RAB44: variants seen among roughly 807,000 people sequenced by gnomAD.
The protein encoded by RAB44 is RAB44, member RAS oncogene family, also known as ras-related protein Rab-44.
RAB44 carries 67 observed loss-of-function variants against 93.3 expected under a neutral mutation model. The observed-to-expected ratio is 0.72, with a 90% CI of 0.59 to 0.88. The LOEUF is 0.88. Ranked by LOEUF, RAB44 falls within the 40% of genes least tolerant of loss-of-function variation. The pLI is 0.00. For missense variants in RAB44, 1,064 were observed against 1,261.7 expected (o/e 0.84, Z 2.37); for synonymous variants, 427 against 520.3 (o/e 0.82, Z 2.44).
At position 36,721,669 on chromosome 6, in the gene RAB44, C is replaced by T. The variant is rs549931483; in HGVS notation, c.1535C>T (p.Pro512Leu). The change falls in exon 9 of 14, where the codon CCC becomes CTC. Residue 512 changes from proline to leucine, a missense_variant. Transcript: ENST00000612677. Reference protein sequence around the residue: ...GPPPPANSPPPQAPAGSSKQI... With the variant: ...GPPPPANSPPLQAPAGSSKQI... ...CCTCCCCCTGCGAACTCTCCCCCTCCCCAGGCCCCAGCTGGGTCCAGCAAA... is the reference window on the plus strand; with the variant it reads ...CCTCCCCCTGCGAACTCTCCCCCTCTCCAGGCCCCAGCTGGGTCCAGCAAA... 6 of 1,234,532 alleles carry T rather than the reference C, an allele frequency of 4.9e-6. No homozygotes were observed. In the South Asian group the frequency reaches 2.5e-4, roughly 51 times the overall value. The allele number at this position is 1,234,532 out of a possible 1,614,324, so 76.5% of individuals were successfully genotyped here.
intron 1 of RAB44, among the ~76,000 whole-genome samples, chr6:36,701,726 G>A (rs1415325231): frequency 2.0e-5 from 3 of 152,128 alleles, no homozygotes; most frequent in Admixed American, 2.0e-4. Flanking sequence ...GCATGAGGCT[G>A]TGAGGACCCC....
intron 1 of RAB44, among the ~76,000 whole-genome samples, 200 bp downstream of exon 1, chr6:36,698,115 C>T (rs1215195845): frequency 2.6e-5 from 4 of 152,132 alleles, no homozygotes; most frequent in African/African-American, 9.7e-5. Context: ...TACATCACTA[C>T]CCGTAAATGG....
At chr6:36,701,498 A>G (rs1276943510) in intron 1 of RAB44, among the ~76,000 whole-genome samples, 1 of 152,170 alleles carries the variant, frequency 6.6e-6, no homozygotes, top group East Asian at 1.9e-4. Flanking sequence ...TTGAGAGCCC[A>G]GTACATATCC....
chr6:36,715,404 AC>A lies in RAB44; in HGVS notation c.320-73del. The A allele has an allele frequency of 2.2e-6, 3 of 1,383,906 alleles. No individual in the cohort carries two copies. The South Asian group carries it at 3.8e-5, about 18-fold the overall frequency. The allele number at this position is 1,383,906 out of a possible 1,614,324, so 85.7% of individuals were successfully genotyped here. ...GTAGAATTACTTCCCTGAGGGCTGG[AC>A]CAGGGCTGGGTGGGAGGCCAGGCGT... On this transcript the variant is annotated intron_variant, in intron 3 of 13. Coordinates refer to ENST00000612677, the MANE Select transcript of RAB44 (RefSeq NM_001257357.2).
At chr6:36,729,333 G>C (rs994904991) in intron 12 of RAB44, among the ~76,000 whole-genome samples, 8 of 152,098 alleles carry the variant, frequency 5.3e-5, no homozygotes. Context: ...AATAAAAATA[G>C]AGGGAAAAAT....
At chr6:36,703,262 C>G (rs1762555390) in intron 1 of RAB44, among the ~76,000 whole-genome samples, 1 of 152,142 alleles carries the variant, frequency 6.6e-6, no homozygotes, top group Non-Finnish European at 1.5e-5. Context: ...CCCCATGACC[C>G]AAACAATTCC....
intron 1 of RAB44, among the ~76,000 whole-genome samples, chr6:36,701,005 A>G (rs1762495823): frequency 6.6e-6 from 1 of 152,206 alleles, no homozygotes. Flanking sequence ...ATTAGGGGTG[A>G]GAGATACCGC....
In RAB44 at chr6:36,717,486, G is replaced by A. The variant is rs1562060287; in HGVS notation, c.641+67G>A. The A allele has an allele frequency of 8.1e-6, 10 of 1,228,432 alleles. No homozygotes were observed. Among genetic ancestry groups the A allele is most frequent in the East Asian group, 6.3e-5 (2 of 31,710 alleles). 76.1% of individuals were successfully genotyped at this position (1,228,432 alleles called of 1,614,324 possible). ...GCTCTTCACATTCCAGTGGAATCTGGTTGAATTTCCCCAGCTCCTCCTGCA... is the reference window on the plus strand; with the variant it reads ...GCTCTTCACATTCCAGTGGAATCTGATTGAATTTCCCCAGCTCCTCCTGCA... On this transcript the variant is annotated intron_variant, in intron 5 of 13. Transcript: ENST00000612677. This position sits in a 1 kb window ranked among gnomAD's most constrained non-coding sequence, Gnocchi z 4.1.
At chr6:36,712,612 G>A (rs1238993150) in intron 2 of RAB44, among the ~76,000 whole-genome samples, 6 of 152,064 alleles carry the variant, frequency 3.9e-5, no homozygotes, top group Non-Finnish European at 8.8e-5. Flanking sequence ...TGATCTGCCC[G>A]CCTCGGCCTC....
chr6:36,719,692 C>T lies in RAB44; in HGVS notation c.829-671C>T, dbSNP rs571188421. On this transcript the variant is annotated intron_variant, in intron 7 of 13. Transcript: ENST00000612677. ...AGTTGAGAAGGGAGTCAAGGAAGGCCTGGCTGAGATGATGACATTGGAGCG... is the reference window on the plus strand; with the variant it reads ...AGTTGAGAAGGGAGTCAAGGAAGGCTTGGCTGAGATGATGACATTGGAGCG... Among the ~76,000 whole-genome samples, 6 of 152,260 alleles carry T rather than the reference C, an allele frequency of 3.9e-5. No individual in the cohort carries two copies. The East Asian group carries it at 1.2e-3, about 29-fold the overall frequency.
Position 36,717,117 on chromosome 6 carries a change from C to T in RAB44, c.495-156C>T, listed in dbSNP as rs1163840365. 6.6e-6 allele frequency among the ~76,000 whole-genome samples: 1 copy of T among 152,166 alleles called. No homozygotes were observed. The highest frequency in any genetic ancestry group is 1.5e-5 in the Non-Finnish European group (1 of 68,038). ...TGGGAATGGTTCCTGGAGGAGGTGGCGTTTTAGTTGCATCTTGTAGGGTGT... is the reference window on the plus strand; with the variant it reads ...TGGGAATGGTTCCTGGAGGAGGTGGTGTTTTAGTTGCATCTTGTAGGGTGT... On this transcript the variant is annotated intron_variant, in intron 4 of 13. Coordinates refer to ENST00000612677, the MANE Select transcript of RAB44 (RefSeq NM_001257357.2). The surrounding 1 kb of genome is among the most constrained non-coding windows in gnomAD (Gnocchi z 4.1).
At position 36,721,165 on chromosome 6, in the gene RAB44, G is replaced by A. The variant is rs868418440; in HGVS notation, c.1031G>A (p.Gly344Asp). ...TTCATTTCCAGTTTTCCTGGAGCGG[G>A]TGAGAAGACCCCAGACCCTCAGGCT... The part of the protein sequence containing the change: ...VEEKLSFPGA[G>D]EKTPDPQAAS... The change falls in exon 9 of 14, where the codon GGT becomes GAT. Residue 344 changes from glycine to aspartate, a missense_variant. Transcript: ENST00000612677. 8.4e-7 allele frequency: 1 copy of A among 1,190,068 alleles called. No homozygotes were observed. The highest frequency in any genetic ancestry group is 2.2e-4 in the Middle Eastern group (1 of 4,620). The allele number at this position is 1,190,068 out of a possible 1,614,324, so 73.7% of individuals were successfully genotyped here.
At position 36,715,584 on chromosome 6, in the gene RAB44, C is replaced by T. The variant is rs747648674; in HGVS notation, c.425C>T (p.Ala142Val). Reference protein sequence around the residue: ...ATTSFPALEEADAEEKEAFLA... With the variant: ...ATTSFPALEEVDAEEKEAFLA... ...ACCAGCTTCCCAGCTCTGGAGGAGG[C>T]GGATGCTGAGGAGAAGGAGGCGTTC... Residue 142 changes from alanine (A) to valine (V), a missense_variant, in exon 4 of 14, where the codon GCG becomes GTG. Coordinates refer to ENST00000612677, the MANE Select transcript of RAB44 (RefSeq NM_001257357.2). 15 of 1,536,050 alleles carry T rather than the reference C, an allele frequency of 9.8e-6. No individual in the cohort carries two copies. The highest frequency in any genetic ancestry group is 6.8e-5 in the African/African-American group (5 of 73,038).
chr6:36,713,968 C>T, intron 3 of RAB44, 29 bp downstream of exon 3: 3 of 1,396,954 alleles, frequency 2.1e-6, no homozygotes, highest in Non-Finnish European at 2.9e-6. Context: ...GGCCTCTGGG[C>T]ACCCAGGTGT....
intron 2 of RAB44, among the ~76,000 whole-genome samples, chr6:36,705,291 C>G (rs543874591): frequency 6.6e-6 from 1 of 152,052 alleles, no homozygotes; most frequent in African/African-American, 2.4e-5. Flanking sequence ...CTACTAGTAA[C>G]TTCAGTAATT....
chr6:36,716,906 C>G (rs548109518), intron 4 of RAB44, among the ~76,000 whole-genome samples: 1 of 152,308 alleles, frequency 6.6e-6, no homozygotes, highest in African/African-American at 2.4e-5. Context: ...CAGCCCCCAC[C>G]CCATTTTACA....
chr6:36,703,880 G>A (rs945063358), intron 1 of RAB44, among the ~76,000 whole-genome samples: 9 of 152,270 alleles, frequency 5.9e-5, no homozygotes, highest in African/African-American at 2.2e-4. Context: ...GTCAAAACAC[G>A]AGATAGATTC....
In RAB44 at chr6:36,726,029, G is replaced by A. The variant is rs1275712298; in HGVS notation, c.2681+86G>A. ...ACAGGGAGCAGCCCTAATAACACAG[G>A]CAGGAGGCAACTGCCCCCCAAGGAT... On this transcript the variant is annotated intron_variant, in intron 10 of 13. Transcript: ENST00000612677. 3.8e-6 allele frequency: 4 copies of A among 1,061,304 alleles called. No homozygotes were observed. In the East Asian group the frequency reaches 7.9e-5, roughly 21 times the overall value. 65.7% of individuals were successfully genotyped at this position (1,061,304 alleles called of 1,614,324 possible). A position where few individuals can be genotyped will look rare whatever the true frequency, so the allele number is the denominator to read the frequency against.
chr6:36,721,917 G>T lies in RAB44; in HGVS notation c.1783G>T (p.Ala595Ser). ...QRDALQQDLHATGSEPRLGTQ... is the reference protein window; with the variant it reads ...QRDALQQDLHSTGSEPRLGTQ... ...AGATGCCCTCCAGCAGGACCTGCAT[G>T]CCACTGGCTCTGAGCCAAGACTGGG... Residue 595 changes from alanine (A) to serine (S), a missense_variant, in exon 9 of 14, where the codon GCC becomes TCC. Transcript: ENST00000612677. 8.1e-7 allele frequency: 1 copy of T among 1,234,902 alleles called. No individual in the cohort carries two copies. The highest frequency in any genetic ancestry group is 4.1e-5 in the South Asian group (1 of 24,420). 76.5% of individuals were successfully genotyped at this position (1,234,902 alleles called of 1,614,324 possible).
Sources: allele counts gnomAD v4.1 joint callset (sites outside exome capture counted in the v4.1 genomes callset), GRCh38; gene constraint gnomAD v4.1.1; non-coding constraint Gnocchi (gnomAD v3.1); transcripts MANE v1.5; gene names NCBI Gene and HGNC (gene_info 2026-07-23, HGNC 2026-07-21).